PMPCB: variants seen among roughly 807,000 people sequenced by gnomAD.
The protein encoded by PMPCB is mitochondrial-processing peptidase subunit beta.
Under a neutral mutation model 61.5 loss-of-function variants are expected in PMPCB, and 46 were observed. That is an observed-to-expected ratio of 0.75 (90% CI 0.59 to 0.96). PMPCB has a LOEUF of 0.96. Among genes scored for constraint, PMPCB ranks in the 40% least tolerant of loss-of-function variants. The pLI is 0.00. For missense variants in PMPCB, 590 were observed against 602.4 expected, an observed-to-expected ratio of 0.98 and a Z score of 0.22; for synonymous variants, 191 against 201.6, an observed-to-expected ratio of 0.95 and a Z score of 0.44.
At chr7:103,321,916 G>A (rs933969141) in intron 12 of PMPCB, 2 of 1,601,274 alleles carry the variant, frequency 1.2e-6, no homozygotes, top group East Asian at 4.5e-5. Context: ...CCTAGTGTTT[G>A]TTCAGTCTGA....
At chr7:103,321,839 C>A (rs970208325) in intron 12 of PMPCB, 22 of 1,421,114 alleles carry the variant, frequency 1.5e-5, no homozygotes, top group Non-Finnish European at 2.0e-5. Flanking sequence ...CAGAGCGAGA[C>A]CCCATCTAAA....
At position 103,304,015 on chromosome 7, in the gene PMPCB, A is replaced by G. The variant is rs977280219; in HGVS notation, c.631A>G (p.Ile211Val). The change falls in exon 5 of 13, where the codon ATT becomes GTT. Residue 211 changes from isoleucine to valine, a missense_variant. Physicochemically the swap from Ile to Val is conservative, Grantham distance 29. Coordinates refer to ENST00000249269, the MANE Select transcript of PMPCB (RefSeq NM_004279.3). ...AYQNTALGRT[I>V]LGPTENIKSI... ...TCAAAATACTGCACTTGGACGGACAATTTTGGGACCAACTGAAAATATCAA... is the reference window on the plus strand; with the variant it reads ...TCAAAATACTGCACTTGGACGGACAGTTTTGGGACCAACTGAAAATATCAA... The G allele has an allele frequency of 6.2e-7, 1 of 1,613,206 alleles. No homozygotes were observed. The highest frequency in any genetic ancestry group is 1.3e-5 in the African/African-American group (1 of 74,908).
chr7:103,319,843 G>A, intron 12 of PMPCB: 1 of 1,613,724 alleles, frequency 6.2e-7, no homozygotes, highest in Non-Finnish European at 8.5e-7. Flanking sequence ...ATGATTCCAG[G>A]TCTAAAAGCA....
At chr7:103,316,699 A>G (rs531470517), downstream of PMPCB, 2 of 755,332 alleles carry the variant, frequency 2.6e-6, no homozygotes, top group South Asian at 3.6e-5. Flanking sequence ...CTCACTTTTC[A>G]CACTTTTCTG....
downstream of PMPCB, among the ~76,000 whole-genome samples, chr7:103,317,942 C>T (rs1047039341): frequency 1.5e-4 from 20 of 130,596 alleles, no homozygotes; most frequent in South Asian, 1.4e-3. Context: ...TGAGCCACCA[C>T]GCTCATAGTG....
chr7:103,312,901 G>C lies in PMPCB; in HGVS notation c.*630G>C, dbSNP rs764271264. 1 of 1,580,294 alleles carries C rather than the reference G, an allele frequency of 6.3e-7. No individual in the cohort carries two copies. The highest frequency in any genetic ancestry group is 1.9e-5 in the Admixed American group (1 of 51,822). ...ATAAAATATGAGCTATATCACCCAA[G>C]CTACAATTTAAAATACAACAATCTA... On this transcript the variant is annotated 3_prime_UTR_variant, in exon 13 of 13. Coordinates refer to ENST00000249269, the MANE Select transcript of PMPCB (RefSeq NM_004279.3).
intron 9 of PMPCB, 23 bp from the exon 10 acceptor site, chr7:103,311,618 ACT>A: frequency 6.4e-7 from 1 of 1,566,074 alleles, no homozygotes; most frequent in South Asian, 1.1e-5. Context: ...TTTTCCAACT[ACT>A]ACTGTTTTTC....
the PMPCB span, among the ~76,000 whole-genome samples, chr7:103,347,085 A>G: frequency 6.6e-6 from 1 of 152,264 alleles, no homozygotes; most frequent in Non-Finnish European, 1.5e-5. Flanking sequence ...TGTTTCCCAC[A>G]GCAGTTGCAC....
intron 1 of PMPCB, chr7:103,297,852 G>C (rs1187332705): frequency 2.0e-6 from 3 of 1,481,508 alleles, no homozygotes; most frequent in Non-Finnish European, 2.7e-6. Context: ...GCAAATTGGG[G>C]AAAACTAAAA....
chr7:103,313,677 A>C lies in PMPCB; in HGVS notation c.*1406A>C, dbSNP rs1231357624. 1 of 985,308 alleles carries C rather than the reference A, an allele frequency of 1.0e-6. No individual in the cohort carries two copies. The highest frequency in any genetic ancestry group is 1.7e-5 in the African/African-American group (1 of 57,240). 61.0% of individuals were successfully genotyped at this position (985,308 alleles called of 1,614,324 possible). Reference sequence around the variant, plus strand: ...TGGTGTTCTCTTCGTCACATCTGCTAAAATCTTGGGAGCCGATGCTGAACA... The same window carrying C: ...TGGTGTTCTCTTCGTCACATCTGCTCAAATCTTGGGAGCCGATGCTGAACA... On this transcript the variant is annotated 3_prime_UTR_variant, in exon 13 of 13. Coordinates refer to ENST00000249269, the MANE Select transcript of PMPCB (RefSeq NM_004279.3).
At position 103,300,205 on chromosome 7, in the gene PMPCB, C is replaced by A. The variant is rs202239518; in HGVS notation, c.355C>A (p.Leu119Met). ...CACCAAGAAGAGATCCCAGTTAGAT[C>A]TGGAACTTGAGATTGAAAATATGGG... ...KGTKKRSQLD[L>M]ELEIENMGAH... Residue 119 changes from leucine to methionine, a missense_variant, in exon 4 of 13, where the codon CTG becomes ATG. By Grantham distance (15) the Leu-to-Met change is conservative. Coordinates refer to ENST00000249269, the MANE Select transcript of PMPCB (RefSeq NM_004279.3). The A allele has an allele frequency of 1.7e-4, 267 of 1,612,838 alleles. 1 individual carries two copies. The highest frequency in any genetic ancestry group is 2.2e-4 in the Non-Finnish European group (258 of 1,179,226).
At chr7:103,335,798 G>C in the PMPCB span, 2 of 152,226 alleles carry the variant, frequency 1.3e-5, no homozygotes, top group African/African-American at 4.8e-5. Context: ...GCCTGCCTTG[G>C]TCTTCCAAAG....
chr7:103,305,215 T>G (rs1346068742), intron 6 of PMPCB, among the ~76,000 whole-genome samples: 2 of 152,142 alleles, frequency 1.3e-5, no homozygotes, highest in East Asian at 3.8e-4. Flanking sequence ...ATCTAATTTT[T>G]GGGAAGGAGA....
rs772260124 is a variant in PMPCB, at chr7:103,297,547, G to T, written c.88G>T (p.Ala30Ser). ...GFSESLLIRG[A>S]AGRSLYFGEN... ...CAGCGAGAGTCTTCTAATCCGAGGC[G>T]CTGCGGGACGGGTGAGCTTCCCTCC... Residue 30 changes from alanine to serine, a missense_variant, in exon 1 of 13, where the codon GCT becomes TCT. Coordinates refer to ENST00000249269, the MANE Select transcript of PMPCB (RefSeq NM_004279.3). 2.5e-6 allele frequency: 4 copies of T among 1,609,982 alleles called. No individual in the cohort carries two copies. The highest frequency in any genetic ancestry group is 1.1e-5 in the South Asian group (1 of 90,806).
intron 12 of PMPCB, chr7:103,324,522 T>C (rs1461879856): frequency 2.0e-6 from 3 of 1,497,136 alleles, no homozygotes; most frequent in Admixed American, 2.3e-5. Flanking sequence ...AATGATGAAT[T>C]CATATCACCA....
At chr7:103,301,598 T>G (rs917229035) in intron 4 of PMPCB, among the ~76,000 whole-genome samples, 1 of 152,160 alleles carries the variant, frequency 6.6e-6, no homozygotes, top group Admixed American at 6.5e-5. Flanking sequence ...CGACAGAGCT[T>G]CTGCTAGTGG....
chr7:103,347,130 C>T, the PMPCB span, among the ~76,000 whole-genome samples: 4 of 152,336 alleles, frequency 2.6e-5, no homozygotes, highest in Admixed American at 1.3e-4. Context: ...CAACAGTGCA[C>T]CAGGATTCCA....
intron 6 of PMPCB, among the ~76,000 whole-genome samples, chr7:103,306,971 C>T (rs564689967): frequency 6.6e-6 from 1 of 152,078 alleles, no homozygotes; most frequent in Admixed American, 6.5e-5. Flanking sequence ...ATTGGCCAGG[C>T]TGGTCTTGAA....
chr7:103,331,947 G>T (rs1473036281), downstream of PMPCB, among the ~76,000 whole-genome samples: 2 of 151,758 alleles, frequency 1.3e-5, no homozygotes, highest in Non-Finnish European at 2.9e-5. Context: ...TTGCACAGTG[G>T]CTATGCTAAT....
Sources: allele counts gnomAD v4.1 joint callset (sites outside exome capture counted in the v4.1 genomes callset), GRCh38; gene constraint gnomAD v4.1.1; transcripts MANE v1.5; gene names NCBI Gene and HGNC (gene_info 2026-07-23, HGNC 2026-07-21).